The following BCL2L1 variants were observed in gnomAD, a reference collection of about 807,000 sequenced individuals.
BCL2L1 encodes the protein BCL2 like 1.
A neutral mutation model predicts 18.7 loss-of-function variants in BCL2L1; 1 was observed. That is an observed-to-expected ratio of 0.05 (90% CI 0.02 to 0.25). The LOEUF is 0.25. BCL2L1 is among the 10% of genes least tolerant of loss of function. The pLI is 1.00. For missense variants in BCL2L1, 207 were observed against 304.9 expected (o/e 0.68, Z 2.39); for synonymous variants, 103 against 122.7 (o/e 0.84, Z 1.06).
intron 2 of BCL2L1, among the ~76,000 whole-genome samples, chr20:31,697,672 C>A (rs1284534813): frequency 6.6e-6 from 1 of 152,120 alleles, no homozygotes; most frequent in Admixed American, 6.5e-5. Flanking sequence ...CTCCTGACCT[C>A]ATGATCTGCC....
intron 2 of BCL2L1, among the ~76,000 whole-genome samples, chr20:31,718,669 A>G (rs924976504): frequency 2.0e-5 from 3 of 152,060 alleles, no homozygotes; most frequent in East Asian, 1.9e-4. Flanking sequence ...AAAAAAAAAA[A>G]AAAGAAAAAA....
intron 2 of BCL2L1, among the ~76,000 whole-genome samples, chr20:31,677,855 G>A (rs2060788861): frequency 6.6e-6 from 1 of 152,210 alleles, no homozygotes. Flanking sequence ...CATGGGCTCT[G>A]TCCCCTAGGC....
intron 2 of BCL2L1, among the ~76,000 whole-genome samples, chr20:31,704,438 T>G (rs1407690047): frequency 6.6e-6 from 1 of 152,168 alleles, no homozygotes; most frequent in African/African-American, 2.4e-5. Flanking sequence ...GCTGGAGTAT[T>G]GGGCAAGAGT....
rs2122874892 is a variant in BCL2L1 at position 31,721,875 on chromosome 20, G to A, written c.344C>T (p.Thr115Ile). The change falls in exon 2 of 3, where the codon ACC (threonine) becomes ATC (isoleucine). Residue 115 changes from threonine (T) to isoleucine (I), a missense_variant. Transcript: ENST00000307677. ...AAAGCTCTGATATGCTGTCCCTGGG[G>A]TGATGTGGAGCTGGGATGTCAGGTC... ...FSDLTSQLHI[T>I]PGTAYQSFEQ... 6.2e-7 allele frequency: 1 copy of A among 1,614,232 alleles called. No homozygotes were observed. Among genetic ancestry groups the A allele is most frequent in the East Asian group, 2.2e-5 (1 of 44,888 alleles).
chr20:31,667,485 G>A (rs981154397), intron 2 of BCL2L1, among the ~76,000 whole-genome samples: 11 of 32,462 alleles, frequency 3.4e-4, no homozygotes, highest in Non-Finnish European at 5.1e-4. Flanking sequence ...CCATAGTACC[G>A]TGTGTGTGTG....
chr20:31,715,985 C>T (rs1345489933), intron 2 of BCL2L1, among the ~76,000 whole-genome samples: 2 of 152,114 alleles, frequency 1.3e-5, no homozygotes, highest in African/African-American at 2.4e-5. Flanking sequence ...ACCACAGACA[C>T]ACGCCACCAC....
intron 2 of BCL2L1, among the ~76,000 whole-genome samples, chr20:31,666,521 G>A (rs766765894): frequency 3.0e-4 from 46 of 152,236 alleles, no homozygotes; most frequent in Non-Finnish European, 4.9e-4. Context: ...GAGTCTGAGG[G>A]TAGTGTGGAG....
chr20:31,688,398 C>T lies in BCL2L1; in HGVS notation c.565-22312G>A, dbSNP rs140018767. ...GGTGGAGGTTGCAGTGAGCCAAGATCGTGCCACTGCATTCCAGCCTGGGTG... is the reference window on the plus strand; with the variant it reads ...GGTGGAGGTTGCAGTGAGCCAAGATTGTGCCACTGCATTCCAGCCTGGGTG... On this transcript the variant is annotated intron_variant, in intron 2 of 2. Coordinates refer to ENST00000307677, the MANE Select transcript of BCL2L1 (RefSeq NM_138578.3). 3.6e-4 allele frequency among the ~76,000 whole-genome samples: 52 copies of T among 143,472 alleles called. 1 individual carries two copies. The Middle Eastern group carries it at 0.015, about 42-fold the overall frequency. The allele number at this position is 143,472 out of a possible 152,430, so 94.1% of individuals were successfully genotyped here.
At chr20:31,721,474 G>A (rs1034420161) in intron 2 of BCL2L1, 181 bp downstream of exon 2, 11 of 693,868 alleles carry the variant, frequency 1.6e-5, no homozygotes, top group Non-Finnish European at 2.6e-5. Context: ...CTGAAGCACA[G>A]GGTCATTTGT....
chr20:31,670,636 T>C (rs1157946280), intron 2 of BCL2L1, among the ~76,000 whole-genome samples: 2 of 152,186 alleles, frequency 1.3e-5, no homozygotes, highest in Non-Finnish European at 2.9e-5. Flanking sequence ...CTTCCACTCA[T>C]GTGTTCCTGG....
At chr20:31,709,759 T>A (rs2061423680) in intron 2 of BCL2L1, among the ~76,000 whole-genome samples, 1 of 137,142 alleles carries the variant, frequency 7.3e-6, no homozygotes, top group Non-Finnish European at 1.5e-5. Context: ...GGCGTCAACC[T>A]GGGAGGCGGA....
At chr20:31,699,129 C>T (rs116949613) in intron 2 of BCL2L1, among the ~76,000 whole-genome samples, 589 of 152,314 alleles carry the variant, frequency 3.9e-3, no homozygotes, top group Middle Eastern at 0.024. Flanking sequence ...CTCTCAAGGA[C>T]GCTCTGTTCC....
chr20:31,700,877 T>G, intron 2 of BCL2L1, among the ~76,000 whole-genome samples: 1 of 152,190 alleles, frequency 6.6e-6, no homozygotes, highest in East Asian at 1.9e-4. Flanking sequence ...CAAAGTTAGC[T>G]AGGTCCAGAG....
intron 2 of BCL2L1, among the ~76,000 whole-genome samples, chr20:31,717,015 A>G (rs2061547546): frequency 6.6e-6 from 1 of 152,150 alleles, no homozygotes; most frequent in South Asian, 2.1e-4. Context: ...TTCAAAGAAA[A>G]AAGAGGGAGT....
intron 2 of BCL2L1, among the ~76,000 whole-genome samples, chr20:31,709,329 G>A (rs1270140242): frequency 1.3e-5 from 2 of 151,998 alleles, no homozygotes; most frequent in Non-Finnish European, 2.9e-5. Context: ...GTGTGTGTGT[G>A]CGCGCGTGCA....
At chr20:31,701,523 CTTAGCTACA>C (rs927588022) in intron 2 of BCL2L1, among the ~76,000 whole-genome samples, 18 of 152,184 alleles carry the variant, frequency 1.2e-4, no homozygotes, top group African/African-American at 4.1e-4. Flanking sequence ...ACCCGACTCC[CTTAGCTACA>C]TTATCCTTTT....
At chr20:31,715,547 T>C (rs2061520316) in intron 2 of BCL2L1, among the ~76,000 whole-genome samples, 1 of 152,184 alleles carries the variant, frequency 6.6e-6, no homozygotes. Flanking sequence ...TCCACCTCCT[T>C]ACCTCATTTA....
At chr20:31,685,934 G>A (rs1018519228) in intron 2 of BCL2L1, among the ~76,000 whole-genome samples, 14 of 152,100 alleles carry the variant, frequency 9.2e-5, no homozygotes, top group African/African-American at 3.4e-4. Context: ...TACTCTAGGA[G>A]GCCTTTGGCA....
rs2061118183 is a variant in BCL2L1, at chr20:31,693,500, G to A, written c.565-27414C>T. Among the ~76,000 whole-genome samples, 5 of 151,898 alleles carry A rather than the reference G, an allele frequency of 3.3e-5. No individual in the cohort carries two copies. In the South Asian group the frequency reaches 1.0e-3, roughly 32 times the overall value. Reference sequence around the variant, plus strand: ...TGGTGGGGTAGCTGTGATTGGGGAGGGGGTACACAGGGGGCTCTAAGGTAC... The same window carrying A: ...TGGTGGGGTAGCTGTGATTGGGGAGAGGGTACACAGGGGGCTCTAAGGTAC... On this transcript the variant is annotated intron_variant, in intron 2 of 2. Transcript: ENST00000307677.
Sources: allele counts gnomAD v4.1 joint callset (sites outside exome capture counted in the v4.1 genomes callset), GRCh38; gene constraint gnomAD v4.1.1; transcripts MANE v1.5; gene names NCBI Gene and HGNC (gene_info 2026-07-23, HGNC 2026-07-21).